Variants in SYNPO2 observed in about 807,000 individuals in gnomAD.
SYNPO2 encodes synaptopodin-2.
In SYNPO2, 56 loss-of-function variants were observed where a neutral mutation model predicts 85.0. The observed-to-expected ratio is 0.66, with a 90% CI of 0.53 to 0.82. SYNPO2 has a LOEUF of 0.82. Ranked by LOEUF, SYNPO2 falls within the 40% of genes least tolerant of loss-of-function variation. The pLI is 0.00. For missense variants in SYNPO2, 1,575 were observed against 1,534.2 expected (o/e 1.03, Z -0.44); for synonymous variants, 602 against 591.1 (o/e 1.02, Z -0.27).
At chr4:119,009,697 A>G (rs879302799) in intron 1 of SYNPO2, among the ~76,000 whole-genome samples, 2 of 152,226 alleles carry the variant, frequency 1.3e-5, no homozygotes, top group Non-Finnish European at 2.9e-5. Flanking sequence ...CTTCCATGGA[A>G]GGCAGGGGAA....
At chr4:119,001,788 A>G (rs1347827448) in intron 1 of SYNPO2, among the ~76,000 whole-genome samples, 1 of 152,176 alleles carries the variant, frequency 6.6e-6, no homozygotes, top group Non-Finnish European at 1.5e-5. Flanking sequence ...TTTCTAAAAT[A>G]TACATCTGTG....
At chr4:119,023,402 CT>C in intron 1 of SYNPO2, 27 bp from the exon 2 acceptor site, 9 of 1,584,904 alleles carry the variant, frequency 5.7e-6, no homozygotes, top group Non-Finnish European at 7.7e-6. Flanking sequence ...TATCATTCTA[CT>C]ATGTCTTCTT....
chr4:118,956,313 C>A (rs1279390198), intron 1 of SYNPO2, among the ~76,000 whole-genome samples: 1 of 152,010 alleles, frequency 6.6e-6, no homozygotes, highest in African/African-American at 2.4e-5. Context: ...TGTGGGGAAC[C>A]AGGATAGCAT....
At chr4:118,992,534 T>A (rs1382774135) in intron 1 of SYNPO2, among the ~76,000 whole-genome samples, 1 of 152,154 alleles carries the variant, frequency 6.6e-6, no homozygotes, top group Non-Finnish European at 1.5e-5. Context: ...AAAGTGAAAG[T>A]GACAATGCCT....
In SYNPO2 at chr4:119,057,612, C is replaced by T; in HGVS notation, c.3464C>T (p.Ser1155Phe). The T allele has an allele frequency of 6.2e-7, 1 of 1,614,114 alleles. No homozygotes were observed. Among genetic ancestry groups the T allele is most frequent in the South Asian group, 1.1e-5 (1 of 91,056 alleles). ...DAFQPRNIQE[S>F]IVANVVSAAR... ...TTCCAACCCAGAAACATCCAGGAAT[C>T]CATTGTGGCAAATGTGGTTTCAGCA... The change falls in exon 5 of 5, where the codon TCC becomes TTC. Residue 1155 changes from serine to phenylalanine, a missense_variant. This residue lies in a region of SYNPO2 where 1,508 missense variants were observed against 1,446.8 expected (regional missense o/e 1.04). Transcript: ENST00000307142.
chr4:119,046,697 C>T (rs1484786352), intron 4 of SYNPO2, among the ~76,000 whole-genome samples: 4 of 152,180 alleles, frequency 2.6e-5, no homozygotes, highest in Admixed American at 1.3e-4. Flanking sequence ...CTGTAGCCAG[C>T]AATACTCCCA....
intron 1 of SYNPO2, among the ~76,000 whole-genome samples, chr4:118,995,862 T>TTATC (rs34223926): frequency 0.23 from 34,272 of 148,262 alleles, 3,894 homozygotes; most frequent in South Asian, 0.25. Flanking sequence ...TCTATTTATC[T>TTATC]TATCTATCTA....
chr4:118,868,128 T>C (rs548927138), intron 1 of SYNPO2, among the ~76,000 whole-genome samples: 1 of 120,204 alleles, frequency 8.3e-6, no homozygotes, highest in South Asian at 3.2e-4. Flanking sequence ...TTTTGTGCAA[T>C]GGTTCTGTTG....
chr4:118,986,646 T>C (rs1736232308), intron 1 of SYNPO2, among the ~76,000 whole-genome samples: 1 of 152,218 alleles, frequency 6.6e-6, no homozygotes, highest in South Asian at 2.1e-4. Context: ...GTCTATGATT[T>C]AGACTACCCA....
intron 1 of SYNPO2, among the ~76,000 whole-genome samples, chr4:118,883,234 T>C (rs564628002): frequency 1.3e-5 from 2 of 152,312 alleles, no homozygotes; most frequent in South Asian, 4.1e-4. Flanking sequence ...TGTAATGCTT[T>C]ATTTTTCTCC....
At chr4:118,962,667 G>A (rs1043842961) in intron 1 of SYNPO2, among the ~76,000 whole-genome samples, 1 of 152,130 alleles carries the variant, frequency 6.6e-6, no homozygotes, top group South Asian at 2.1e-4. Flanking sequence ...CATGTGTTGA[G>A]TGATTGAGAA....
At chr4:119,012,979 T>TG (rs1421767887) in intron 1 of SYNPO2, among the ~76,000 whole-genome samples, 1 of 152,196 alleles carries the variant, frequency 6.6e-6, no homozygotes. Flanking sequence ...CAAGAATGCT[T>TG]ACACATGGAA....
intron 1 of SYNPO2, among the ~76,000 whole-genome samples, chr4:118,923,927 T>C (rs1733627604): frequency 6.6e-6 from 1 of 151,492 alleles, no homozygotes; most frequent in African/African-American, 2.4e-5. Flanking sequence ...TGTGGCAACA[T>C]GTTTTTTAAG....
At chr4:118,879,514 A>G (rs909697148) in intron 1 of SYNPO2, among the ~76,000 whole-genome samples, 1 of 152,194 alleles carries the variant, frequency 6.6e-6, no homozygotes, top group African/African-American at 2.4e-5. Context: ...TGAGGACACA[A>G]TGAGAAGACA....
chr4:118,876,698 TTTCTTTCTTTCTTTC>T (rs1380817092), intron 1 of SYNPO2, among the ~76,000 whole-genome samples: 1 of 116,262 alleles, frequency 8.6e-6, no homozygotes, highest in Non-Finnish European at 1.8e-5. Context: ...TCTTTCTTTC[TTTCTTTCTTTCTTTC>T]TTTCTTTCTT....
At chr4:119,020,706 G>T (rs533595703) in intron 1 of SYNPO2, among the ~76,000 whole-genome samples, 3 of 152,124 alleles carry the variant, frequency 2.0e-5, no homozygotes, top group South Asian at 4.1e-4. Context: ...ATGATTTTAT[G>T]CCTCAAAAGT....
At position 119,026,925 on chromosome 4, in the gene SYNPO2, GAGAAGGT is replaced by G; in HGVS notation, c.562_568del (p.Val188ArgfsTer26). 1 of 1,614,170 alleles carries G rather than the reference GAGAAGGT, an allele frequency of 6.2e-7. No homozygotes were observed. Among genetic ancestry groups the G allele is most frequent in the Non-Finnish European group, 8.5e-7 (1 of 1,180,028 alleles). ...CGTGGCAGAAGAGCTGATCTTAAGG[GAGAAGGT>G]AGAAGCGGTACAGCCTGGGCCTGTG... On this transcript the variant is annotated frameshift_variant, in exon 3 of 5. Transcript: ENST00000307142. LOFTEE classifies it high-confidence loss of function.
intron 1 of SYNPO2, among the ~76,000 whole-genome samples, chr4:119,013,017 C>T (rs993090013): frequency 6.6e-6 from 1 of 152,176 alleles, no homozygotes; most frequent in Admixed American, 6.5e-5. Context: ...CAGTTATTCT[C>T]AAAGTGTCAT....
rs1403085190 is a variant in SYNPO2, at chr4:119,057,797, T to C, written c.3649T>C (p.Leu1217=). The change falls in exon 5 of 5, where the codon TTG becomes CTG. Residue 1217 remains leucine (L), a synonymous_variant. Transcript: ENST00000307142. ...MSTTSQYGSQ[L]PYAYYRQASR... is the part of the protein sequence containing the mutation. ...CACCACCTCCCAATATGGTTCACAG[T>C]TGCCATATGCATATTATAGGCAGGC... The C allele has an allele frequency of 1.2e-6, 2 of 1,614,136 alleles. No individual in the cohort carries two copies. Among genetic ancestry groups the C allele is most frequent in the East Asian group, 4.5e-5 (2 of 44,866 alleles).
Sources: allele counts gnomAD v4.1 joint callset (sites outside exome capture counted in the v4.1 genomes callset), GRCh38; gene constraint gnomAD v4.1.1; regional missense constraint gnomAD v4.1.1; transcripts MANE v1.5; gene names NCBI Gene and HGNC (gene_info 2026-07-23, HGNC 2026-07-21).